The following PRKG1 variants were observed in gnomAD, a reference collection of about 807,000 sequenced individuals.
PRKG1 encodes the protein cGMP-dependent protein kinase 1.
Under a neutral mutation model 88.1 loss-of-function variants are expected in PRKG1, and 35 were observed. The ratio of observed to expected loss-of-function variants is 0.40; its 90% CI spans 0.30 to 0.53. The LOEUF is 0.53. PRKG1 is among the 20% of genes least tolerant of loss of function. The pLI, the probability that PRKG1 is intolerant of heterozygous loss-of-function variation, is 0.59. For missense variants in PRKG1, 540 were observed against 839.8 expected (o/e 0.64, Z 4.41); for synonymous variants, 303 against 292.5 (o/e 1.04, Z -0.37).
intron 5 of PRKG1, among the ~76,000 whole-genome samples, chr10:51,970,848 A>ATC (rs996400612): frequency 1.6e-4 from 23 of 148,120 alleles, no homozygotes; most frequent in Non-Finnish European, 3.0e-4. Flanking sequence ...ATATATATAT[A>ATC]TCTCCATCCC....
At chr10:51,910,664 T>A (rs573407098) in intron 5 of PRKG1, 2 of 152,310 alleles carry the variant, frequency 1.3e-5, no homozygotes, top group African/African-American at 4.8e-5. Context: ...CTCATTCGTT[T>A]ACCTGGATTC....
At chr10:51,436,317 C>A (rs763793605) in intron 2 of PRKG1, among the ~76,000 whole-genome samples, 2 of 151,664 alleles carry the variant, frequency 1.3e-5, no homozygotes, top group African/African-American at 4.8e-5. Flanking sequence ...TGTTAGTGTG[C>A]GTGTGTTTGT....
At chr10:52,117,878 G>T (rs1847725950) in intron 7 of PRKG1, among the ~76,000 whole-genome samples, 1 of 151,864 alleles carries the variant, frequency 6.6e-6, no homozygotes, top group Non-Finnish European at 1.5e-5. Context: ...TTCACTTAAG[G>T]TAGGAGATTG....
chr10:52,082,575 T>C (rs1846805340), intron 7 of PRKG1, among the ~76,000 whole-genome samples: 1 of 152,064 alleles, frequency 6.6e-6, no homozygotes, highest in Non-Finnish European at 1.5e-5. Context: ...TCTAACACAG[T>C]ATTGTACTTG....
intron 9 of PRKG1, among the ~76,000 whole-genome samples, chr10:52,232,422 C>G (rs1437563466): frequency 3.9e-5 from 6 of 151,928 alleles, no homozygotes; most frequent in Non-Finnish European, 7.4e-5. Flanking sequence ...TTATATAAAA[C>G]AAAACTCCAC....
intron 4 of PRKG1, among the ~76,000 whole-genome samples, chr10:51,865,754 A>G (rs965335109): frequency 3.9e-5 from 6 of 152,086 alleles, no homozygotes; most frequent in Non-Finnish European, 8.8e-5. Flanking sequence ...AACTTGTGCT[A>G]AGGGAAAATA....
chr10:51,886,633 A>T (rs1246143890), intron 4 of PRKG1, among the ~76,000 whole-genome samples: 1 of 152,182 alleles, frequency 6.6e-6, no homozygotes, highest in Admixed American at 6.5e-5. Flanking sequence ...TGGAATCATG[A>T]AGTATTTATC....
intron 3 of PRKG1, among the ~76,000 whole-genome samples, chr10:51,542,173 A>G (rs1842319915): frequency 6.6e-6 from 1 of 152,078 alleles, no homozygotes; most frequent in Non-Finnish European, 1.5e-5. Context: ...CTAAGCCATT[A>G]TATGAATTAC....
intron 10 of PRKG1, among the ~76,000 whole-genome samples, chr10:52,265,188 T>A (rs1841540656): frequency 1.3e-5 from 2 of 152,168 alleles, no homozygotes; most frequent in South Asian, 4.1e-4. Flanking sequence ...TAGTGAAAGA[T>A]CCAGAATTAG....
rs1323874493 is a variant in PRKG1, at chr10:51,961,398, T to A, written c.762+53828T>A. ...CACTGTATTTATTGAAAAAAAAGAA[T>A]CTGCATTTAAGCAGACCTGCACAAT... On this transcript the variant is annotated intron_variant, in intron 5 of 17. Transcript: ENST00000373980. 2.0e-5 allele frequency among the ~76,000 whole-genome samples: 3 copies of A among 151,890 alleles called. No individual in the cohort carries two copies. The East Asian group carries it at 5.8e-4, about 29-fold the overall frequency.
intron 5 of PRKG1, among the ~76,000 whole-genome samples, chr10:51,926,834 C>T (rs189945379): frequency 1.0e-4 from 15 of 144,228 alleles, no homozygotes; most frequent in South Asian, 2.2e-4. Context: ...CAAAACCTCA[C>T]GATCAGCAAT....
chr10:51,085,791 T>C (rs1235329437), intron 1 of PRKG1, among the ~76,000 whole-genome samples: 1 of 152,208 alleles, frequency 6.6e-6, no homozygotes, highest in African/African-American at 2.4e-5. Context: ...TACCTAGCTT[T>C]ATAAAAATGT....
intron 2 of PRKG1, among the ~76,000 whole-genome samples, chr10:51,374,258 G>A (rs879898509): frequency 5.2e-5 from 1 of 19,282 alleles, no homozygotes; most frequent in Non-Finnish European, 1.2e-4. Flanking sequence ...CCCAACCCCC[G>A]ACAGGCCCCG....
chr10:51,239,212 A>T (rs1377087199), intron 2 of PRKG1, among the ~76,000 whole-genome samples: 1 of 152,218 alleles, frequency 6.6e-6, no homozygotes, highest in Non-Finnish European at 1.5e-5. Flanking sequence ...CTGGTTCTTA[A>T]ATAGCATCCG....
intron 2 of PRKG1, among the ~76,000 whole-genome samples, chr10:51,172,652 C>G (rs10995898): frequency 1.2e-3 from 27 of 23,320 alleles, no homozygotes; most frequent in Middle Eastern, 0.024. Flanking sequence ...ATGTATGTAT[C>G]TATCTATCTA....
chr10:52,212,840 G>T (rs1309056392), intron 9 of PRKG1, among the ~76,000 whole-genome samples: 3 of 152,114 alleles, frequency 2.0e-5, no homozygotes, highest in Non-Finnish European at 4.4e-5. Context: ...TTCGCAAAGG[G>T]ATTGTAGCTT....
intron 4 of PRKG1, among the ~76,000 whole-genome samples, chr10:51,861,701 G>C (rs988924223): frequency 1.3e-5 from 2 of 152,130 alleles, no homozygotes; most frequent in African/African-American, 4.8e-5. Flanking sequence ...TTTACGAGTT[G>C]TTTATGAAAA....
intron 5 of PRKG1, among the ~76,000 whole-genome samples, chr10:51,957,157 CTT>C (rs796508675): frequency 2.9e-5 from 1 of 34,726 alleles, no homozygotes; most frequent in African/African-American, 1.3e-4. Context: ...TTTCCTCTTT[CTT>C]TCTCTCTTTC....
intron 4 of PRKG1, among the ~76,000 whole-genome samples, chr10:51,863,862 TG>T (rs1840949168): frequency 6.6e-6 from 1 of 152,226 alleles, no homozygotes. Context: ...GCTTCAACTC[TG>T]TCCTTCAGCT....
Sources: gnomAD v4.1 joint callset for allele counts (sites outside exome capture counted in the v4.1 genomes callset) on GRCh38, gnomAD v4.1.1 for gene constraint, MANE v1.5 for transcripts, NCBI Gene and HGNC (gene_info 2026-07-23, HGNC 2026-07-21) for gene names.